The following P2RX3 variants were observed in gnomAD, a reference collection of about 807,000 sequenced individuals.
P2RX3 encodes the protein purinergic receptor P2X 3, also known as P2X purinoceptor 3.
Under a neutral mutation model 51.5 loss-of-function variants are expected in P2RX3, and 41 were observed. The observed-to-expected ratio is 0.80, with a 90% CI of 0.62 to 1.03. The LOEUF (loss-of-function observed/expected upper bound fraction) is 1.03, where lower values mean the gene tolerates loss of function less well. Ranked by LOEUF, P2RX3 falls within the 50% of genes least tolerant of loss-of-function variation. The pLI, the probability that P2RX3 is intolerant of heterozygous loss-of-function variation, is 0.00. For synonymous variants in P2RX3, 185 were observed against 191.6 expected (o/e 0.97, Z 0.29); for missense variants, 459 against 522.1 (o/e 0.88, Z 1.18).
chr11:57,369,300 C>A, intron 10 of P2RX3, 61 bp from the exon 11 acceptor site: 1 of 1,484,024 alleles, frequency 6.7e-7, no homozygotes, highest in South Asian at 1.2e-5. Context: ...CACTTCCTGC[C>A]ACCCTGATCC....
intron 8 of P2RX3, among the ~76,000 whole-genome samples, chr11:57,366,480 G>C (rs1856798737): frequency 6.6e-6 from 1 of 151,988 alleles, no homozygotes; most frequent in Non-Finnish European, 1.5e-5. Flanking sequence ...TCTTGGACTT[G>C]GGCAAATCTA....
chr11:57,368,162 G>A (rs1856825377), intron 9 of P2RX3, 60 bp downstream of exon 9: 1 of 1,554,566 alleles, frequency 6.4e-7, no homozygotes, highest in East Asian at 2.2e-5. Context: ...CCACCTCTCG[G>A]GTTCTGAAAA....
chr11:57,337,517 C>A (rs1283193469), upstream of P2RX3, among the ~76,000 whole-genome samples: 5 of 151,924 alleles, frequency 3.3e-5, no homozygotes, highest in Non-Finnish European at 7.4e-5. Flanking sequence ...ATGTCCTTTG[C>A]AGGGACATGG....
At chr11:57,350,061 G>A (rs1393828113) in intron 7 of P2RX3, among the ~76,000 whole-genome samples, 163 bp downstream of exon 7, 4 of 152,188 alleles carry the variant, frequency 2.6e-5, no homozygotes, top group Non-Finnish European at 5.9e-5. Flanking sequence ...AATCCTTTCT[G>A]CTTTCCCCGC....
In P2RX3 at chr11:57,341,566, G is replaced by A. The variant is rs149854943; in HGVS notation, c.119+2897G>A. Among the ~76,000 whole-genome samples, 307 of 152,204 alleles carry A rather than the reference G, an allele frequency of 2.0e-3. 9 individuals carry two copies. Among genetic ancestry groups the A allele is most frequent in the Admixed American group, 0.015 (228 of 15,288 alleles). On this transcript the variant is annotated intron_variant, in intron 1 of 11. Coordinates refer to ENST00000263314, the MANE Select transcript of P2RX3 (RefSeq NM_002559.5). ...TTTCTCACATCTTTTCTGGGTCCAC[G>A]TGGTAATCCCCACTCACCTCTGTGG... is the stretch of plus-strand genomic sequence containing the variant.
At chr11:57,337,745 C>T (rs982268781), upstream of P2RX3, among the ~76,000 whole-genome samples, 4 of 152,300 alleles carry the variant, frequency 2.6e-5, no homozygotes, top group Admixed American at 2.0e-4. Context: ...TTACAGTTAA[C>T]GGGTGCAACA....
intron 1 of P2RX3, 49 bp downstream of exon 1, chr11:57,338,718 C>G: frequency 5.6e-6 from 7 of 1,241,266 alleles, no homozygotes; most frequent in Non-Finnish European, 8.2e-6. Flanking sequence ...TGCCTGGTAT[C>G]CCGTCTTCAC....
chr11:57,360,318 A>G (rs1856694644), intron 8 of P2RX3, among the ~76,000 whole-genome samples: 1 of 152,152 alleles, frequency 6.6e-6, no homozygotes, highest in African/African-American at 2.4e-5. Context: ...ACTACCTTAT[A>G]CTAGCTCCAC....
At chr11:57,359,493 C>A (rs1481220953) in intron 8 of P2RX3, among the ~76,000 whole-genome samples, 1 of 152,218 alleles carries the variant, frequency 6.6e-6, no homozygotes, top group African/African-American at 2.4e-5. Flanking sequence ...TCAGAGGAGC[C>A]CCCGACCCTG....
chr11:57,338,715 T>TA, intron 1 of P2RX3, 46 bp downstream of exon 1: 1 of 1,329,570 alleles, frequency 7.5e-7, no homozygotes, highest in South Asian at 1.3e-5. Flanking sequence ...GGCTGCCTGG[T>TA]ATCCCGTCTT....
At chr11:57,350,926 G>A (rs1464469320) in intron 8 of P2RX3, 28 bp downstream of exon 8, 2 of 1,613,994 alleles carry the variant, frequency 1.2e-6, no homozygotes, top group Non-Finnish European at 1.7e-6. Flanking sequence ...GGGACACCAG[G>A]AGAAGAAGGT....
At chr11:57,337,329 A>AAAAAAGG (rs1554965262), upstream of P2RX3, among the ~76,000 whole-genome samples, 4 of 77,292 alleles carry the variant, frequency 5.2e-5, no homozygotes, top group African/African-American at 1.1e-4. Context: ...AAGAAAAAAA[A>AAAAAAGG]AAGGAAGGGA....
intron 8 of P2RX3, 24 bp from the exon 9 acceptor site, chr11:57,367,985 C>T (rs374376421): frequency 3.2e-6 from 5 of 1,576,644 alleles, no homozygotes; most frequent in South Asian, 1.1e-5. Context: ...CACAGAGGGA[C>T]CCATCTCTGC....
chr11:57,350,735 A>G, intron 7 of P2RX3, 27 bp from the exon 8 acceptor site: 1 of 1,612,084 alleles, frequency 6.2e-7, no homozygotes, highest in South Asian at 1.1e-5. Context: ...GGCGAGGGGA[A>G]AGCTCATACC....
chr11:57,369,866 C>T lies in P2RX3; in HGVS notation c.1081-18C>T, dbSNP rs761943763. The T allele has an allele frequency of 1.7e-5, 26 of 1,558,216 alleles. No homozygotes were observed. The highest frequency in any genetic ancestry group is 4.5e-5 in the East Asian group (2 of 44,086). On this transcript the variant is annotated intron_variant, in intron 11 of 11. Transcript: ENST00000263314. ...GCCCATAGTCAGAACTTGACAACAC[C>T]AGCTCTTTCGCCTGCAGGTGAATGA... is the stretch of plus-strand genomic sequence containing the variant.
chr11:57,349,856 G>A lies in P2RX3; in HGVS notation c.663G>A (p.Val221=), dbSNP rs935477360. ...PFCPILRVGD[V]VKFAGQDFAK... is the part of the protein sequence containing the mutation. ...GCCCCATCTTGCGGGTAGGGGACGTGGTCAAGTTTGCGGGGCAGGATTTTG... is the reference window on the plus strand; with the variant it reads ...GCCCCATCTTGCGGGTAGGGGACGTAGTCAAGTTTGCGGGGCAGGATTTTG... The change falls in exon 7 of 12, where the codon GTG becomes GTA. Residue 221 remains valine (V), a synonymous_variant. Transcript: ENST00000263314. The A allele has an allele frequency of 3.1e-6, 5 of 1,614,124 alleles. No homozygotes were observed. The Admixed American group carries it at 6.7e-5, about 22-fold the overall frequency.
chr11:57,338,635 GT>G lies in P2RX3; in HGVS notation c.86del (p.Val29GlufsTer5). On this transcript the variant is annotated frameshift_variant, in exon 1 of 12. Coordinates refer to ENST00000263314, the MANE Select transcript of P2RX3 (RefSeq NM_002559.5). LOFTEE classifies it high-confidence loss of function. ...CTGGACCATCGGGATCATCAACCGA[GT>G]AGTTCAGCTTCTGATCATCTCCTAC... ...KSWTIGIINR[V>X]VQLLIISYFV... The G allele has an allele frequency of 6.3e-7, 1 of 1,594,440 alleles. No homozygotes were observed. The highest frequency in any genetic ancestry group is 8.6e-7 in the Non-Finnish European group (1 of 1,163,832).
intron 1 of P2RX3, among the ~76,000 whole-genome samples, chr11:57,341,565 C>T (rs77345122): frequency 0.014 from 2,082 of 152,230 alleles, 56 homozygotes; most frequent in African/African-American, 0.048. Flanking sequence ...TCTGGGTCCA[C>T]GTGGTAATCC....
intron 5 of P2RX3, 29 bp downstream of exon 5, chr11:57,348,292 C>A: frequency 6.4e-7 from 1 of 1,560,234 alleles, no homozygotes; most frequent in East Asian, 2.3e-5. Context: ...CAGGAGGAGA[C>A]AGGCCCCCAC....
Sources: allele counts gnomAD v4.1 joint callset (sites outside exome capture counted in the v4.1 genomes callset), GRCh38; gene constraint gnomAD v4.1.1; transcripts MANE v1.5; gene names NCBI Gene and HGNC (gene_info 2026-07-23, HGNC 2026-07-21).